PDCD6: variants seen among roughly 807,000 people sequenced by gnomAD.
PDCD6 encodes the protein programmed cell death protein 6.
In PDCD6, 12 loss-of-function variants were observed where a neutral mutation model predicts 28.3. The observed-to-expected ratio is 0.42, with a 90% CI of 0.27 to 0.69. The LOEUF is 0.69. Among genes scored for constraint, PDCD6 ranks in the 30% least tolerant of loss-of-function variants. PDCD6 has a pLI of 0.22. For synonymous variants in PDCD6, 92 were observed against 108.0 expected, an observed-to-expected ratio of 0.85 and a Z score of 0.92; for missense variants, 226 against 269.9, an observed-to-expected ratio of 0.84 and a Z score of 1.14.
chr5:286,499 C>T (rs1472433676), intron 2 of PDCD6, among the ~76,000 whole-genome samples: 1 of 129,700 alleles, frequency 7.7e-6, no homozygotes, highest in Non-Finnish European at 1.6e-5. Context: ...TGAGGGCCTT[C>T]CAGCCGGAGA....
intron 2 of PDCD6, among the ~76,000 whole-genome samples, chr5:294,621 T>G (rs1739491907): frequency 6.6e-6 from 1 of 152,250 alleles, no homozygotes; most frequent in Non-Finnish European, 1.5e-5. Flanking sequence ...CCCGCCATGC[T>G]GGAAAGTGGT....
At chr5:303,544 C>T (rs1331946027) in intron 2 of PDCD6, among the ~76,000 whole-genome samples, 1 of 151,860 alleles carries the variant, frequency 6.6e-6, no homozygotes, top group Non-Finnish European at 1.5e-5. Context: ...GATAGTACAG[C>T]TTTCCTATTC....
At chr5:272,975 T>C in intron 2 of PDCD6, 2 of 983,418 alleles carry the variant, frequency 2.0e-6, no homozygotes, top group African/African-American at 3.8e-5. Context: ...CCGAGCCAGC[T>C]AACAACTGCG....
chr5:296,776 G>A (rs184373330), intron 2 of PDCD6, among the ~76,000 whole-genome samples: 2 of 151,996 alleles, frequency 1.3e-5, no homozygotes, highest in Non-Finnish European at 2.9e-5. Flanking sequence ...GCACATGGGT[G>A]GGGGGGCCCG....
intron 2 of PDCD6, among the ~76,000 whole-genome samples, chr5:282,874 G>T (rs963482302): frequency 4.6e-5 from 7 of 151,944 alleles, no homozygotes; most frequent in African/African-American, 1.7e-4. Context: ...TGAGGGTCGT[G>T]CAGCTGAAGT....
intron 2 of PDCD6, among the ~76,000 whole-genome samples, chr5:279,208 A>G (rs1173932816): frequency 6.6e-6 from 1 of 151,964 alleles, no homozygotes; most frequent in Non-Finnish European, 1.5e-5. Flanking sequence ...TTCCCCCCTA[A>G]GAGTATGACG....
chr5:297,709 C>G (rs984627579), intron 2 of PDCD6, among the ~76,000 whole-genome samples: 1 of 152,172 alleles, frequency 6.6e-6, no homozygotes, highest in Non-Finnish European at 1.5e-5. Context: ...AAAATGACAC[C>G]AGGCCTCCTG....
chr5:279,450 C>T (rs972357109), intron 2 of PDCD6, among the ~76,000 whole-genome samples: 8 of 152,066 alleles, frequency 5.3e-5, no homozygotes, highest in African/African-American at 1.9e-4. Context: ...GTGGAGCAGG[C>T]ATGGTTCCCA....
intron 2 of PDCD6, among the ~76,000 whole-genome samples, chr5:302,592 G>C (rs1018404681): frequency 2.0e-5 from 3 of 147,738 alleles, no homozygotes; most frequent in African/African-American, 7.6e-5. Flanking sequence ...GCGGGTCATC[G>C]AGTGCTGCTC....
chr5:282,418 C>G (rs1738634602), intron 2 of PDCD6, among the ~76,000 whole-genome samples: 1 of 148,016 alleles, frequency 6.8e-6, no homozygotes, highest in Non-Finnish European at 1.5e-5. Context: ...CAGCTGCAAA[C>G]CCGGAGAGAA....
rs562584100 is a variant in PDCD6 at position 311,397 on chromosome 5, C to T, written c.472C>T (p.Leu158=). ...CGACTTCATCCAGGGCTGCATCGTC[C>T]TGCAGGTGACGGAATGGCTTCACGT... The part of the protein sequence containing the change: ...FDDFIQGCIV[L]QRLTDIFRRY... Residue 158 remains leucine, a synonymous_variant, in exon 5 of 6, where the codon CTG becomes TTG. Transcript: ENST00000264933. The T allele has an allele frequency of 6.2e-7, 1 of 1,610,318 alleles. No individual in the cohort carries two copies. The highest frequency in any genetic ancestry group is 1.3e-5 in the African/African-American group (1 of 74,974).
Position 303,296 on chromosome 5 carries a change from AT to A in PDCD6, c.164-880del, listed in dbSNP as rs1263781889. Among the ~76,000 whole-genome samples the A allele has an allele frequency of 1.0e-3, 140 of 134,052 alleles. 1 individual carries two copies. The highest frequency in any genetic ancestry group is 4.0e-4 in the Non-Finnish European group (26 of 64,990). 87.9% of individuals were successfully genotyped at this position (134,052 alleles called of 152,430 possible). On this transcript the variant is annotated intron_variant, in intron 2 of 5. Transcript: ENST00000264933. ...GCCCAGGACTGTGGCATTTTTGTGC[AT>A]AAAAAAAAAAAAAAACTGTGTGTCT...
Position 307,218 on chromosome 5 carries a change from GGTGTGCTCGGCGTGT to G in PDCD6, c.367+495_367+509del, listed in dbSNP as rs1206043114. Among the ~76,000 whole-genome samples, 89 of 121,526 alleles carry G rather than the reference GGTGTGCTCGGCGTGT, an allele frequency of 7.3e-4. No homozygotes were observed. Among genetic ancestry groups the G allele is most frequent in the African/African-American group, 2.5e-3 (55 of 21,658 alleles). The allele number at this position is 121,526 out of a possible 152,430, so 79.7% of individuals were successfully genotyped here. On this transcript the variant is annotated intron_variant, in intron 4 of 5. Coordinates refer to ENST00000264933, the MANE Select transcript of PDCD6 (RefSeq NM_013232.4). The surrounding 1 kb of genome is among the most constrained non-coding windows in gnomAD (Gnocchi z 6.1). The stretch of plus-strand genomic sequence containing the variant: ...TAGGCAGAACGCGTGCCCATTCTCA[GGTGTGCTCGGCGTGT>G]GTGTGCTCGGCGTGTGTGTGCTCGG...
chr5:282,494 T>C (rs981336567), intron 2 of PDCD6, among the ~76,000 whole-genome samples: 9 of 150,668 alleles, frequency 6.0e-5, no homozygotes, highest in African/African-American at 2.0e-4. Flanking sequence ...AGATTGAGGA[T>C]CATGCAGCTG....
Position 314,232 on chromosome 5 carries a change from G to A in PDCD6, c.478-185G>A, listed in dbSNP as rs77025036. ...CCAGCCCCGCAGCCCTGTGTTCTTC[G>A]TTCTTCGCACTCCCACCGTCCGTGT... On this transcript the variant is annotated intron_variant, in intron 5 of 5. Coordinates refer to ENST00000264933, the MANE Select transcript of PDCD6 (RefSeq NM_013232.4). 0.012 allele frequency among the ~76,000 whole-genome samples: 1,767 copies of A among 152,234 alleles called. 104 individuals carry two copies. In the East Asian group the frequency reaches 0.2, roughly 17 times the overall value.
At chr5:311,591 T>G in intron 5 of PDCD6, 189 bp downstream of exon 5, 2 of 576,332 alleles carry the variant, frequency 3.5e-6, no homozygotes, top group Non-Finnish European at 6.2e-6. Flanking sequence ...TTTCCTCCCC[T>G]TGGAAATGGC....
chr5:300,623 C>G (rs376619414), intron 2 of PDCD6, among the ~76,000 whole-genome samples: 1 of 152,226 alleles, frequency 6.6e-6, no homozygotes, highest in South Asian at 2.1e-4. Context: ...TGTCTAGCAC[C>G]TAATGTAACC....
At chr5:312,631 C>A (rs1468308867) in intron 5 of PDCD6, among the ~76,000 whole-genome samples, 1 of 152,086 alleles carries the variant, frequency 6.6e-6, no homozygotes, top group Non-Finnish European at 1.5e-5. Context: ...GACATTTTTA[C>A]AATGTTCTCT....
rs1560859964 is a variant in PDCD6, at chr5:305,404, T to C, written c.208+1183T>C. On this transcript the variant is annotated intron_variant, in intron 3 of 5. Transcript: ENST00000264933. This position sits in a 1 kb window ranked among gnomAD's most constrained non-coding sequence, Gnocchi z 4.0. ...CCTAGTGTGGGTGTAGCTGGGGGCT[T>C]TTCCAGATGACTGTGCCCTGCTGGT... 6.6e-6 allele frequency: 1 copy of C among 152,278 alleles called. No individual in the cohort carries two copies. Among genetic ancestry groups the C allele is most frequent in the African/African-American group, 2.4e-5 (1 of 41,416 alleles). 9.4% of individuals were successfully genotyped at this position (152,278 alleles called of 1,614,324 possible).
Sources: gnomAD v4.1 joint callset for allele counts (sites outside exome capture counted in the v4.1 genomes callset) on GRCh38, gnomAD v4.1.1 for gene constraint, Gnocchi (gnomAD v3.1) non-coding constraint, MANE v1.5 for transcripts, NCBI Gene and HGNC (gene_info 2026-07-23, HGNC 2026-07-21) for gene names.